NR3C2: variants seen among roughly 807,000 people sequenced by gnomAD.
NR3C2 encodes mineralocorticoid receptor.
In NR3C2, 15 loss-of-function variants were observed where a neutral mutation model predicts 86.4. The observed-to-expected ratio is 0.17, with a 90% CI of 0.12 to 0.27. The LOEUF (loss-of-function observed/expected upper bound fraction) is 0.27. Among genes scored for constraint, NR3C2 ranks in the 10% least tolerant of loss-of-function variants. The pLI is 1.00. For missense variants in NR3C2, 960 were observed against 1,195.6 expected (o/e 0.80, Z 2.91); for synonymous variants, 458 against 450.5 (o/e 1.02, Z -0.21).
chr4:148,423,857 C>T (rs1053596168), intron 2 of NR3C2, among the ~76,000 whole-genome samples: 5 of 152,094 alleles, frequency 3.3e-5, no homozygotes, highest in African/African-American at 9.7e-5. Flanking sequence ...TACAGTTGCA[C>T]GCCACTACGC....
chr4:148,389,285 G>C lies in NR3C2; in HGVS notation c.1757+45819C>G, dbSNP rs541666055. ...CAAAAATAAAAAAAAGGGACTCACT[G>C]CAGAGAGAACTTGGCCTACCTGTGT... On this transcript the variant is annotated intron_variant, in intron 2 of 8. Transcript: ENST00000358102. Among the ~76,000 whole-genome samples the C allele has an allele frequency of 3.3e-5, 5 of 152,308 alleles. No individual in the cohort carries two copies. In the South Asian group the frequency reaches 1.0e-3, roughly 32 times the overall value.
chr4:148,153,944 A>G (rs1038559048), intron 5 of NR3C2, among the ~76,000 whole-genome samples: 4 of 152,052 alleles, frequency 2.6e-5, no homozygotes, highest in Non-Finnish European at 5.9e-5. Context: ...TACCTTATTA[A>G]TATTTTTGGA....
intron 2 of NR3C2, among the ~76,000 whole-genome samples, chr4:148,360,394 A>G (rs1745779946): frequency 6.6e-6 from 1 of 152,200 alleles, no homozygotes; most frequent in African/African-American, 2.4e-5. Context: ...TCCAAGATCT[A>G]TACACTGTGT....
At chr4:148,428,832 C>A (rs1274029362) in intron 2 of NR3C2, among the ~76,000 whole-genome samples, 1 of 152,172 alleles carries the variant, frequency 6.6e-6, no homozygotes, top group Non-Finnish European at 1.5e-5. Context: ...TACAAACACA[C>A]TGCCCAATAA....
intron 2 of NR3C2, among the ~76,000 whole-genome samples, chr4:148,412,322 T>G (rs1181175314): frequency 6.6e-6 from 1 of 152,198 alleles, no homozygotes; most frequent in Non-Finnish European, 1.5e-5. Context: ...CCTTAATCAC[T>G]TATTTTCCTG....
chr4:148,352,368 CCTATCATCTAT>C (rs1745325453), intron 2 of NR3C2, among the ~76,000 whole-genome samples: 1 of 145,762 alleles, frequency 6.9e-6, no homozygotes, highest in South Asian at 2.2e-4. Context: ...ACATACAACT[CCTATCATCTAT>C]CTATCTATCT....
intron 8 of NR3C2, among the ~76,000 whole-genome samples, chr4:148,089,068 A>G (rs546694458): frequency 1.3e-5 from 2 of 152,170 alleles, no homozygotes; most frequent in Non-Finnish European, 2.9e-5. Context: ...TCTGTAACTT[A>G]CCCTGATGAT....
intron 2 of NR3C2, among the ~76,000 whole-genome samples, chr4:148,374,533 T>C (rs558586195): frequency 1.3e-5 from 2 of 152,312 alleles, no homozygotes; most frequent in East Asian, 3.9e-4. Context: ...GGTGAAACTG[T>C]ACATGAAAAT....
In NR3C2 at chr4:148,436,811, C is replaced by T. The variant is rs1381516058; in HGVS notation, c.50G>A (p.Arg17Lys). 1 of 1,612,822 alleles carries T rather than the reference C, an allele frequency of 6.2e-7. No homozygotes were observed. The highest frequency in any genetic ancestry group is 8.5e-7 in the Non-Finnish European group (1 of 1,179,930). ...HSLPEGLDME[R>K]RWGQVSQAVE... ...AGCCTGAGAAACTTGACCCCACCGT[C>T]TTTCCATATCTAGACCTTCAGGGAG... Residue 17 changes from arginine (R) to lysine (K), a missense_variant, in exon 2 of 9, where the codon AGA becomes AAA. Physicochemically the swap from Arg to Lys is conservative, Grantham distance 26. Around this residue, in one of 4 missense-constraint regions of NR3C2, gnomAD observed 680 missense variants for 719.0 expected, o/e 0.95. Transcript: ENST00000358102.
At chr4:148,422,609 C>T (rs1749336896) in intron 2 of NR3C2, among the ~76,000 whole-genome samples, 1 of 152,036 alleles carries the variant, frequency 6.6e-6, no homozygotes, top group South Asian at 2.1e-4. Flanking sequence ...TGAATTCAAA[C>T]ACCAGTTACT....
intron 2 of NR3C2, among the ~76,000 whole-genome samples, chr4:148,422,264 C>T (rs1245544157): frequency 6.6e-6 from 1 of 151,806 alleles, no homozygotes; most frequent in Non-Finnish European, 1.5e-5. Flanking sequence ...AGGGGAATAG[C>T]TCACATGTAT....
intron 2 of NR3C2, among the ~76,000 whole-genome samples, chr4:148,323,834 G>C (rs924633719): frequency 6.6e-6 from 1 of 151,350 alleles, no homozygotes; most frequent in African/African-American, 2.4e-5. Flanking sequence ...AGAAATCACC[G>C]TCTTCTGCGT....
In NR3C2 at chr4:148,321,450, T is replaced by A. The variant is rs1351835413; in HGVS notation, c.1758-61333A>T. ...GGTATCCTTGTTGACTTTCTGTCTCTTTGATCCGTCTAATGTTGACAGTGG... is the reference window on the plus strand; with the variant it reads ...GGTATCCTTGTTGACTTTCTGTCTCATTGATCCGTCTAATGTTGACAGTGG... On this transcript the variant is annotated intron_variant, in intron 2 of 8. Transcript: ENST00000358102. 4.9e-3 allele frequency among the ~76,000 whole-genome samples: 732 copies of A among 150,922 alleles called. 3 individuals are homozygous for A. The highest frequency in any genetic ancestry group is 0.017 in the African/African-American group (691 of 40,824).
rs1445393430 is a variant in NR3C2, at chr4:148,079,134, A to G, written c.*2210T>C. On this transcript the variant is annotated 3_prime_UTR_variant, in exon 9 of 9. Coordinates refer to ENST00000358102, the MANE Select transcript of NR3C2 (RefSeq NM_000901.5). ...TTAAGTAAGTCAGAATTCCCATTTT[A>G]TAAAAACTAAGTCTGAACTAAAAGC... 1 of 152,476 alleles carries G rather than the reference A, an allele frequency of 6.6e-6. No individual in the cohort carries two copies. Among genetic ancestry groups the G allele is most frequent in the Non-Finnish European group, 1.5e-5 (1 of 68,032 alleles). 9.4% of individuals were successfully genotyped at this position (152,476 alleles called of 1,614,324 possible).
chr4:148,304,895 CT>C lies in NR3C2; in HGVS notation c.1758-44779del, dbSNP rs34499764. ...GAGGTGGGAGCCTGTTGGCAGGACCCTTTTTTTTTTTTTTCCTGAGAGATTT... is the reference window on the plus strand; with the variant it reads ...GAGGTGGGAGCCTGTTGGCAGGACCCTTTTTTTTTTTTTCCTGAGAGATTT... On this transcript the variant is annotated intron_variant, in intron 2 of 8. Transcript: ENST00000358102. Among the ~76,000 whole-genome samples, 1,207 of 140,542 alleles carry C rather than the reference CT, an allele frequency of 8.6e-3. 8 individuals are homozygous for C. The highest frequency in any genetic ancestry group is 0.027 in the African/African-American group (1,027 of 38,446). 92.2% of individuals were successfully genotyped at this position (140,542 alleles called of 152,430 possible).
At chr4:148,164,575 A>T (rs1173130240) in intron 4 of NR3C2, among the ~76,000 whole-genome samples, 1 of 152,222 alleles carries the variant, frequency 6.6e-6, no homozygotes, top group African/African-American at 2.4e-5. Flanking sequence ...CATTTAAAAT[A>T]AGAAAAATAG....
intron 2 of NR3C2, among the ~76,000 whole-genome samples, chr4:148,411,024 G>C: frequency 6.6e-6 from 1 of 152,114 alleles, no homozygotes; most frequent in East Asian, 1.9e-4. Context: ...CAATTTGGGA[G>C]ACCTAAATTG....
intron 8 of NR3C2, among the ~76,000 whole-genome samples, chr4:148,088,649 G>A (rs1301799588): frequency 1.3e-5 from 2 of 151,452 alleles, no homozygotes; most frequent in African/African-American, 4.9e-5. Context: ...TCACTCATAA[G>A]TGGGAGTTGA....
chr4:148,088,520 G>C (rs1267020727), intron 8 of NR3C2, among the ~76,000 whole-genome samples: 2 of 152,164 alleles, frequency 1.3e-5, no homozygotes, highest in East Asian at 1.9e-4. Flanking sequence ...ACACACCATG[G>C]AATACTATGC....
Sources: gnomAD v4.1 joint callset for allele counts (sites outside exome capture counted in the v4.1 genomes callset) on GRCh38, gnomAD v4.1.1 for gene constraint, gnomAD v4.1.1 regional missense constraint, MANE v1.5 for transcripts, NCBI Gene and HGNC (gene_info 2026-07-23, HGNC 2026-07-21) for gene names.